Variants in CPXM2 observed in about 807,000 individuals in gnomAD.
CPXM2 encodes the protein carboxypeptidase X, M14 family member 2, also known as inactive carboxypeptidase-like protein X2.
A neutral mutation model predicts 86.1 loss-of-function variants in CPXM2; 66 were observed. The observed-to-expected ratio is 0.77, with a 90% CI of 0.63 to 0.94. The LOEUF is 0.94. Among genes scored for constraint, CPXM2 ranks in the 40% least tolerant of loss-of-function variants. CPXM2 has a pLI of 0.00. For synonymous variants in CPXM2, 388 were observed against 400.2 expected (o/e 0.97, Z 0.36); for missense variants, 948 against 1,026.3 (o/e 0.92, Z 1.04).
At chr10:123,863,349 G>C (rs1397433715) in intron 2 of CPXM2, among the ~76,000 whole-genome samples, 4 of 152,214 alleles carry the variant, frequency 2.6e-5, no homozygotes, top group Non-Finnish European at 5.9e-5. Flanking sequence ...AGTGAAGGCG[G>C]AGGGGTGCAC....
At chr10:123,803,839 T>G (rs997872774) in intron 4 of CPXM2, among the ~76,000 whole-genome samples, 4 of 151,992 alleles carry the variant, frequency 2.6e-5, no homozygotes, top group African/African-American at 7.3e-5. Flanking sequence ...TTTTTTGTAT[T>G]TTTAGTAGAG....
intron 3 of CPXM2, 79 bp downstream of exon 3, chr10:123,862,535 C>A: frequency 8.2e-7 from 1 of 1,218,298 alleles, no homozygotes; most frequent in Non-Finnish European, 1.2e-6. Flanking sequence ...TTAAATCCTG[C>A]GCATTGCCTG....
At chr10:123,813,779 G>A (rs1847746092) in intron 4 of CPXM2, among the ~76,000 whole-genome samples, 1 of 152,208 alleles carries the variant, frequency 6.6e-6, no homozygotes, top group African/African-American at 2.4e-5. Flanking sequence ...ACATGGTGGT[G>A]CCCAACAGAT....
chr10:123,746,521 C>A lies in CPXM2; in HGVS notation c.*243G>T. 1.8e-6 allele frequency: 1 copy of A among 545,766 alleles called. No individual in the cohort carries two copies. Among genetic ancestry groups the A allele is most frequent in the Non-Finnish European group, 3.2e-6 (1 of 309,036 alleles). The allele number at this position is 545,766 out of a possible 1,614,324, so 33.8% of individuals were successfully genotyped here. ...GATTCCCAGGTTGGCTTGCTGAGTTCTCTCACTCCCATCAGCTTTTCTCTG... is the reference window on the plus strand; with the variant it reads ...GATTCCCAGGTTGGCTTGCTGAGTTATCTCACTCCCATCAGCTTTTCTCTG... On this transcript the variant is annotated 3_prime_UTR_variant, in exon 14 of 14. Coordinates refer to ENST00000241305, the MANE Select transcript of CPXM2 (RefSeq NM_198148.3).
upstream of CPXM2, among the ~76,000 whole-genome samples, chr10:123,895,543 A>T (rs1945330738): frequency 6.6e-6 from 1 of 152,224 alleles, no homozygotes; most frequent in African/African-American, 2.4e-5. Context: ...AAATTTCAAT[A>T]ACTCCTTCTG....
chr10:123,772,939 C>T (rs1238562000), intron 7 of CPXM2, among the ~76,000 whole-genome samples: 1 of 151,286 alleles, frequency 6.6e-6, no homozygotes, highest in East Asian at 1.9e-4. Flanking sequence ...GTGGTTCTCA[C>T]CTCCCTGGTT....
At chr10:123,922,687 G>A (rs917326487) in intron 2 of CPXM2, among the ~76,000 whole-genome samples, 1 of 152,202 alleles carries the variant, frequency 6.6e-6, no homozygotes, top group Non-Finnish European at 1.5e-5. Flanking sequence ...GAGGCTCGGC[G>A]AGGTGAGAGA....
At chr10:123,893,942 G>A (rs139101326), upstream of CPXM2, among the ~76,000 whole-genome samples, 473 of 152,318 alleles carry the variant, frequency 3.1e-3, 5 homozygotes, top group African/African-American at 0.01. Flanking sequence ...ACAGCAGACC[G>A]ACACCCAGGC....
At chr10:123,798,253 GAAAAAAA>G in intron 5 of CPXM2, 127 bp from the exon 6 acceptor site, 3 of 375,542 alleles carry the variant, frequency 8.0e-6, no homozygotes, top group Non-Finnish European at 1.3e-5. Flanking sequence ...GCATTGAAAA[GAAAAAAA>G]AAAAAAAAAG....
chr10:123,799,476 C>T (rs990718963), intron 4 of CPXM2, among the ~76,000 whole-genome samples: 1 of 152,190 alleles, frequency 6.6e-6, no homozygotes, highest in African/African-American at 2.4e-5. Flanking sequence ...TAGAACAAGG[C>T]CTAGCCCCTA....
intron 4 of CPXM2, among the ~76,000 whole-genome samples, chr10:123,839,614 T>C (rs1426143981): frequency 6.6e-6 from 1 of 152,122 alleles, no homozygotes; most frequent in African/African-American, 2.4e-5. Context: ...AATGATACCA[T>C]AGCCATCTGT....
intron 6 of CPXM2, among the ~76,000 whole-genome samples, chr10:123,781,508 T>A (rs985661123): frequency 5.9e-5 from 9 of 152,156 alleles, no homozygotes; most frequent in Non-Finnish European, 1.3e-4. Context: ...CTGCTCAGTG[T>A]TCAGCGCTCC....
chr10:123,765,423 A>T (rs1446528099), intron 10 of CPXM2, among the ~76,000 whole-genome samples: 1 of 152,224 alleles, frequency 6.6e-6, no homozygotes, highest in African/African-American at 2.4e-5. Context: ...GACTCTGTAC[A>T]GTTGTGCTAA....
rs140728421 is a variant in CPXM2 at position 123,767,013 on chromosome 10, T to C, written c.1439A>G (p.Tyr480Cys). Residue 480 changes from tyrosine (Y) to cysteine (C), a missense_variant, in exon 10 of 14, where the codon TAT becomes TGT. By Grantham distance (194) the Tyr-to-Cys change is radical. Transcript: ENST00000241305. ...CAGAAACCACTCAGGGATTGCAATATAGTGATTGGGAACTTTCCTGGGGAC... is the reference window on the plus strand; with the variant it reads ...CAGAAACCACTCAGGGATTGCAATACAGTGATTGGGAACTTTCCTGGGGAC... Reference protein sequence around the residue: ...QNVPRKVPNHYIAIPEWFLSE... With the variant: ...QNVPRKVPNHCIAIPEWFLSE... 4.4e-4 allele frequency: 713 copies of C among 1,614,170 alleles called. 1 individual carries two copies. The highest frequency in any genetic ancestry group is 5.8e-4 in the Non-Finnish European group (679 of 1,180,010).
intron 2 of CPXM2, among the ~76,000 whole-genome samples, chr10:123,869,788 A>T (rs1449925228): frequency 6.6e-6 from 1 of 152,192 alleles, no homozygotes; most frequent in Admixed American, 6.5e-5. Context: ...CATCATCATC[A>T]TCATCATCAC....
intron 1 of CPXM2, among the ~76,000 whole-genome samples, chr10:123,889,527 C>G (rs536188587): frequency 6.6e-6 from 1 of 152,272 alleles, no homozygotes; most frequent in South Asian, 2.1e-4. Flanking sequence ...AGGATCTCAC[C>G]CAGCACCAGT....
intron 2 of CPXM2, among the ~76,000 whole-genome samples, chr10:123,917,861 A>G (rs1183888447): frequency 6.6e-6 from 1 of 152,214 alleles, no homozygotes; most frequent in Non-Finnish European, 1.5e-5. Flanking sequence ...TCTTTATTGA[A>G]CAGCTACTCT....
chr10:123,935,493 T>G (rs1177268823), intron 2 of CPXM2, among the ~76,000 whole-genome samples: 2 of 152,158 alleles, frequency 1.3e-5, no homozygotes, highest in Admixed American at 1.3e-4. Flanking sequence ...AACTTTGCCC[T>G]TGCCAGAATG....
intron 4 of CPXM2, among the ~76,000 whole-genome samples, chr10:123,814,734 T>C (rs994820517): frequency 2.6e-5 from 4 of 152,194 alleles, no homozygotes; most frequent in Admixed American, 6.5e-5. Flanking sequence ...TAGAGAATTA[T>C]GCAAAATTTC....
Sources: gnomAD v4.1 joint callset for allele counts (sites outside exome capture counted in the v4.1 genomes callset) on GRCh38, gnomAD v4.1.1 for gene constraint, MANE v1.5 for transcripts, NCBI Gene and HGNC (gene_info 2026-07-23, HGNC 2026-07-21) for gene names.